PDE4D: variants seen among roughly 807,000 people sequenced by gnomAD.
PDE4D encodes the protein phosphodiesterase 4D.
PDE4D carries 24 observed loss-of-function variants against 87.4 expected under a neutral mutation model. The ratio of observed to expected loss-of-function variants is 0.27; its 90% CI spans 0.20 to 0.39. The LOEUF is 0.39. Ranked by LOEUF, PDE4D falls within the 10% of genes least tolerant of loss-of-function variation. PDE4D has a pLI of 1.00. For missense variants in PDE4D, 714 were observed against 1,041.0 expected (o/e 0.69, Z 4.32); for synonymous variants, 384 against 383.2 (o/e 1.00, Z -0.02).
At chr5:59,233,077 T>C (rs1232654279) in intron 1 of PDE4D, among the ~76,000 whole-genome samples, 4 of 152,116 alleles carry the variant, frequency 2.6e-5, no homozygotes, top group African/African-American at 9.7e-5. Context: ...TACAGCTGGA[T>C]AGAAGAAATA....
Position 59,929,618 on chromosome 5 carries a change from A to G in PDE4D, c.272+58870T>C, listed in dbSNP as rs1385468588. 2.0e-5 allele frequency among the ~76,000 whole-genome samples: 3 copies of G among 152,330 alleles called. 1 individual carries two copies. The South Asian group carries it at 6.2e-4, about 32-fold the overall frequency. ...TATGTTAAGTGTCTGAAAATGTGAA[A>G]AATTTAAGCAAGCACACAGGCACTT... is the stretch of plus-strand genomic sequence containing the variant. On this transcript the variant is annotated intron_variant, in intron 3 of 16. Coordinates refer to the PDE4D transcript ENST00000502484.
At chr5:59,364,029 G>A (rs1413810630) in intron 1 of PDE4D, among the ~76,000 whole-genome samples, 2 of 152,176 alleles carry the variant, frequency 1.3e-5, no homozygotes, top group African/African-American at 2.4e-5. Flanking sequence ...GTAACAATGT[G>A]CTAGGGGCTA....
intron 1 of PDE4D, among the ~76,000 whole-genome samples, chr5:59,892,336 G>C (rs159620): frequency 0.2 from 31,161 of 152,102 alleles, 3,432 homozygotes; most frequent in Middle Eastern, 0.29. Context: ...TACGTTAAGG[G>C]GAAATCACTA....
intron 1 of PDE4D, among the ~76,000 whole-genome samples, chr5:59,550,944 C>T (rs1818015585): frequency 6.6e-6 from 1 of 152,066 alleles, no homozygotes; most frequent in Non-Finnish European, 1.5e-5. Flanking sequence ...GATCCACCTG[C>T]CCCAGCCTCC....
intron 3 of PDE4D, among the ~76,000 whole-genome samples, chr5:59,188,867 G>T (rs775210335): frequency 5.3e-5 from 8 of 152,150 alleles, no homozygotes; most frequent in Non-Finnish European, 7.3e-5. Context: ...ATTTTATATG[G>T]TTCGCTCTTA....
chr5:60,212,034 T>G (rs1743279962), intron 1 of PDE4D, among the ~76,000 whole-genome samples: 1 of 152,242 alleles, frequency 6.6e-6, no homozygotes, highest in African/African-American at 2.4e-5. Flanking sequence ...TCCCCAAGCA[T>G]TACTTGCAAA....
intron 1 of PDE4D, among the ~76,000 whole-genome samples, chr5:59,262,478 T>C (rs1304786978): frequency 6.6e-6 from 1 of 151,842 alleles, no homozygotes; most frequent in Non-Finnish European, 1.5e-5. Flanking sequence ...ATTCCAAATA[T>C]TTAAGTCTGG....
intron 1 of PDE4D, among the ~76,000 whole-genome samples, chr5:59,738,405 T>C (rs1430773051): frequency 2.6e-5 from 4 of 152,106 alleles, no homozygotes; most frequent in Admixed American, 6.6e-5. Flanking sequence ...TTTATTATAA[T>C]AAATATCTTA....
intron 1 of PDE4D, among the ~76,000 whole-genome samples, chr5:60,207,591 A>G (rs1336000669): frequency 1.3e-5 from 2 of 152,264 alleles, no homozygotes; most frequent in African/African-American, 4.8e-5. Flanking sequence ...CAGTTCAAAT[A>G]GGAATAATGT....
intron 1 of PDE4D, among the ~76,000 whole-genome samples, chr5:60,468,637 G>C (rs754774553): frequency 8.6e-5 from 13 of 151,626 alleles, no homozygotes; most frequent in African/African-American, 2.4e-4. Context: ...TAAGAGTCAG[G>C]GTTACTTTTT....
intron 1 of PDE4D, among the ~76,000 whole-genome samples, chr5:59,387,465 C>T (rs945828976): frequency 2.0e-5 from 3 of 151,924 alleles, no homozygotes; most frequent in Non-Finnish European, 4.4e-5. Flanking sequence ...TGATCTGACA[C>T]AGAGAAATGG....
intron 1 of PDE4D, among the ~76,000 whole-genome samples, chr5:59,711,053 C>T (rs1754127517): frequency 6.6e-6 from 1 of 152,156 alleles, no homozygotes. Flanking sequence ...TTAGAGGGTT[C>T]TCTATTGTCT....
At chr5:59,108,664 C>A (rs1027471547) in intron 5 of PDE4D, among the ~76,000 whole-genome samples, 1 of 152,060 alleles carries the variant, frequency 6.6e-6, no homozygotes, top group Non-Finnish European at 1.5e-5. Context: ...GAGGCCAAGG[C>A]GGGCCGATCA....
chr5:59,918,809 C>A (rs1471963063), intron 3 of PDE4D, among the ~76,000 whole-genome samples: 1 of 152,120 alleles, frequency 6.6e-6, no homozygotes, highest in Non-Finnish European at 1.5e-5. Context: ...TGATCCATCA[C>A]CAGTGGTGCC....
chr5:60,047,036 A>T (rs989779875), intron 2 of PDE4D, among the ~76,000 whole-genome samples: 9 of 152,280 alleles, frequency 5.9e-5, no homozygotes, highest in African/African-American at 1.2e-4. Flanking sequence ...TTATTGCCTC[A>T]ATTTCAGAGC....
intron 2 of PDE4D, among the ~76,000 whole-genome samples, chr5:59,209,811 G>A (rs1749679495): frequency 6.6e-6 from 1 of 152,206 alleles, no homozygotes; most frequent in South Asian, 2.1e-4. Flanking sequence ...ATTTTGCAAA[G>A]ATATGGTGTC....
intron 3 of PDE4D, among the ~76,000 whole-genome samples, chr5:59,911,734 G>A (rs1196646478): frequency 6.6e-6 from 1 of 152,114 alleles, no homozygotes; most frequent in African/African-American, 2.4e-5. Flanking sequence ...AAAGCAATTA[G>A]AGCTGTCTTA....
chr5:59,553,289 A>C (rs1479346630), intron 1 of PDE4D, among the ~76,000 whole-genome samples: 1 of 151,980 alleles, frequency 6.6e-6, no homozygotes, highest in African/African-American at 2.4e-5. Flanking sequence ...ATTCTCTCTC[A>C]CCACAGAAAG....
intron 1 of PDE4D, among the ~76,000 whole-genome samples, chr5:60,268,246 C>T (rs1202617248): frequency 6.6e-6 from 1 of 152,130 alleles, no homozygotes; most frequent in Non-Finnish European, 1.5e-5. Flanking sequence ...ACAAAATCAT[C>T]AAATCTGAGA....
Sources: gnomAD v4.1 joint callset for allele counts (sites outside exome capture counted in the v4.1 genomes callset) on GRCh38, gnomAD v4.1.1 for gene constraint, MANE v1.5 for transcripts, NCBI Gene and HGNC (gene_info 2026-07-23, HGNC 2026-07-21) for gene names.